The following SIRPG variants were observed in gnomAD, a reference collection of about 807,000 sequenced individuals.
The protein encoded by SIRPG is signal regulatory protein gamma.
Under a neutral mutation model 35.7 loss-of-function variants are expected in SIRPG, and 38 were observed. That is an observed-to-expected ratio of 1.06 (90% confidence interval 0.82 to 1.40). The LOEUF is 1.40. Ranked by LOEUF, SIRPG falls within the 40% of genes most tolerant of loss-of-function variation. The pLI, the probability that SIRPG is intolerant of heterozygous loss-of-function variation, is 0.00. For missense variants in SIRPG, 519 were observed against 483.0 expected (o/e 1.07, Z -0.70); for synonymous variants, 215 against 190.4 (o/e 1.13, Z -1.06).
chr20:1,682,508 T>C, the SIRPG span, among the ~76,000 whole-genome samples: 3 of 152,328 alleles, frequency 2.0e-5, 1 homozygote, highest in East Asian at 3.9e-4. Flanking sequence ...TATAGGATGA[T>C]TGTTCCTCAA....
the SIRPG span, among the ~76,000 whole-genome samples, chr20:1,674,183 T>C: frequency 6.6e-6 from 1 of 151,634 alleles, no homozygotes; most frequent in Non-Finnish European, 1.5e-5. Context: ...AAACTGGCAT[T>C]TTTTTTTAGG....
the SIRPG span, among the ~76,000 whole-genome samples, chr20:1,677,334 G>A: frequency 6.6e-6 from 1 of 152,144 alleles, no homozygotes; most frequent in Non-Finnish European, 1.5e-5. Context: ...CATTGACTGA[G>A]GTCATGTAAC....
the SIRPG span, among the ~76,000 whole-genome samples, chr20:1,672,741 T>TTTGTTGTTG: frequency 2.1e-4 from 32 of 151,010 alleles, no homozygotes; most frequent in East Asian, 5.9e-4. Context: ...CGGCCAATCA[T>TTTGTTGTTG]TTGTTGTTGT....
At chr20:1,658,162 G>A (rs1418702793), upstream of SIRPG, among the ~76,000 whole-genome samples, 1 of 152,204 alleles carries the variant, frequency 6.6e-6, no homozygotes, top group African/African-American at 2.4e-5. Flanking sequence ...CCACTCCGCT[G>A]GACGTAGGAG....
At chr20:1,659,043 C>A (rs575418506), upstream of SIRPG, among the ~76,000 whole-genome samples, 1 of 152,152 alleles carries the variant, frequency 6.6e-6, no homozygotes, top group African/African-American at 2.4e-5. Context: ...AGAATATGCA[C>A]CTTGTAGAGC....
At chr20:1,671,725 T>C in the SIRPG span, among the ~76,000 whole-genome samples, 1 of 152,194 alleles carries the variant, frequency 6.6e-6, no homozygotes, top group Middle Eastern at 3.2e-3. Flanking sequence ...TAACTAAAAG[T>C]ATTCCTTATG....
At chr20:1,673,536 T>C in the SIRPG span, among the ~76,000 whole-genome samples, 3 of 152,002 alleles carry the variant, frequency 2.0e-5, no homozygotes, top group African/African-American at 4.8e-5. Flanking sequence ...AATCTACACA[T>C]TTATCCTTTA....
chr20:1,667,791 A>C, the SIRPG span, among the ~76,000 whole-genome samples: 1 of 152,208 alleles, frequency 6.6e-6, no homozygotes, highest in Non-Finnish European at 1.5e-5. Context: ...GTTTTTTACT[A>C]TTATAATGAG....
intron 2 of SIRPG, chr20:1,646,339 A>G (rs1322874000): frequency 1.3e-5 from 2 of 152,284 alleles, no homozygotes; most frequent in Admixed American, 1.3e-4. Context: ...TGAGGGGAGC[A>G]TGGAAACTTG....
rs376044394 is a variant in SIRPG, at chr20:1,645,331, T to C, written c.430+3721A>G. The stretch of plus-strand genomic sequence containing the variant: ...TGGGTATGAGAATCTTCTGGAGTCA[T>C]GAAGAGTTCAGATGCCCAGGCCCAT... On this transcript the variant is annotated intron_variant, in intron 2 of 5. Transcript: ENST00000303415. Among the ~76,000 whole-genome samples the C allele has an allele frequency of 1.2e-4, 19 of 152,296 alleles. No individual in the cohort carries two copies. In the East Asian group the frequency reaches 3.5e-3, roughly 28 times the overall value.
At chr20:1,668,218 T>C in the SIRPG span, among the ~76,000 whole-genome samples, 41 of 79,056 alleles carry the variant, frequency 5.2e-4, no homozygotes, top group African/African-American at 1.5e-3. Flanking sequence ...TTTCTTTCTT[T>C]CTTTCTTTCT....
At chr20:1,635,727 T>G (rs2091793553) in intron 3 of SIRPG, 128 bp from the exon 4 acceptor site, 1 of 990,044 alleles carries the variant, frequency 1.0e-6, no homozygotes, top group African/African-American at 1.6e-5. Flanking sequence ...CAGCAGATGC[T>G]AAGACATTGA....
intron 2 of SIRPG, among the ~76,000 whole-genome samples, chr20:1,644,663 ATT>A (rs2091883503): frequency 6.6e-6 from 1 of 152,210 alleles, no homozygotes; most frequent in African/African-American, 2.4e-5. Context: ...TCTGCGGTTG[ATT>A]GAGACCCTAG....
the SIRPG span, among the ~76,000 whole-genome samples, chr20:1,682,531 C>T: frequency 6.6e-6 from 1 of 152,126 alleles, no homozygotes; most frequent in Admixed American, 6.5e-5. Flanking sequence ...TAATAAATGC[C>T]ATATGGGACA....
the SIRPG span, among the ~76,000 whole-genome samples, chr20:1,668,188 T>TTTCTTTCTTTTTC: frequency 6.3e-5 from 4 of 63,572 alleles, 1 homozygote; most frequent in Admixed American, 4.0e-4. Context: ...TCTTTCTTTC[T>TTTCTTTCTTTTTC]TTTTCTTTTC....
the SIRPG span, among the ~76,000 whole-genome samples, chr20:1,671,642 C>T: frequency 7.9e-5 from 12 of 152,244 alleles, no homozygotes; most frequent in Non-Finnish European, 1.3e-4. Context: ...AGCTGAGAGC[C>T]TTGAACAGAG....
chr20:1,661,208 T>G (rs979718708), upstream of SIRPG, among the ~76,000 whole-genome samples: 2 of 152,184 alleles, frequency 1.3e-5, no homozygotes, highest in African/African-American at 4.8e-5. Context: ...GTGACAACCT[T>G]GGCCAGTGGC....
At chr20:1,646,084 GA>G (rs2091895352) in intron 2 of SIRPG, 1 of 152,242 alleles carries the variant, frequency 6.6e-6, no homozygotes, top group African/African-American at 2.4e-5. Flanking sequence ...GAGGCTGGGA[GA>G]AATGAAGGCA....
chr20:1,633,213 A>T (rs995804129), intron 4 of SIRPG, among the ~76,000 whole-genome samples: 2 of 151,944 alleles, frequency 1.3e-5, no homozygotes, highest in Non-Finnish European at 2.9e-5. Flanking sequence ...AATGAATAAT[A>T]TGAGTAACCC....
Sources: allele counts gnomAD v4.1 joint callset (sites outside exome capture counted in the v4.1 genomes callset), GRCh38; gene constraint gnomAD v4.1.1; transcripts MANE v1.5; gene names NCBI Gene and HGNC (gene_info 2026-07-23, HGNC 2026-07-21).